The following RNF220 variants were observed in gnomAD, a reference collection of about 807,000 sequenced individuals.
RNF220 encodes the protein ring finger protein 220.
In RNF220, 7 loss-of-function variants were observed where a neutral mutation model predicts 67.1. The observed-to-expected ratio is 0.10, with a 90% confidence interval of 0.06 to 0.20. The LOEUF (loss-of-function observed/expected upper bound fraction) is 0.20. RNF220 is among the 10% of genes least tolerant of loss of function. RNF220 has a pLI of 1.00. For missense variants in RNF220, 565 were observed against 740.3 expected (o/e 0.76, Z 2.75); for synonymous variants, 270 against 283.2 (o/e 0.95, Z 0.47).
chr1:44,550,329 G>T (rs1158003306), intron 2 of RNF220, among the ~76,000 whole-genome samples: 1 of 152,168 alleles, frequency 6.6e-6, no homozygotes, highest in East Asian at 1.9e-4. Context: ...AGATGCTTGG[G>T]GTTATGGAGA....
intron 2 of RNF220, among the ~76,000 whole-genome samples, chr1:44,449,977 C>A (rs951741061): frequency 1.3e-5 from 2 of 152,102 alleles, no homozygotes; most frequent in Admixed American, 1.3e-4. Flanking sequence ...TTTGGGAGGC[C>A]GAGGCAGGCA....
intron 5 of RNF220, among the ~76,000 whole-genome samples, chr1:44,629,732 T>C (rs1038216029): frequency 6.6e-6 from 1 of 151,890 alleles, no homozygotes; most frequent in Non-Finnish European, 1.5e-5. Context: ...GATACTACAG[T>C]AGAAGGAGGA....
At chr1:44,446,634 A>G (rs1652124597) in intron 2 of RNF220, among the ~76,000 whole-genome samples, 1 of 146,164 alleles carries the variant, frequency 6.8e-6, no homozygotes, top group Non-Finnish European at 1.5e-5. Context: ...ATCTCGGCTC[A>G]CTGCAACCTC....
intron 2 of RNF220, chr1:44,423,710 C>T (rs893494481): frequency 1.3e-5 from 4 of 308,770 alleles, no homozygotes; most frequent in Admixed American, 6.5e-5. Context: ...TACCCGGAAA[C>T]GTGACAGGTC....
At chr1:44,508,732 A>G (rs549779521) in intron 2 of RNF220, among the ~76,000 whole-genome samples, 1 of 151,876 alleles carries the variant, frequency 6.6e-6, no homozygotes, top group South Asian at 2.1e-4. Flanking sequence ...TCTCTTTCTC[A>G]CTCCACATAG....
chr1:44,594,556 T>A (rs1666342731), intron 2 of RNF220, among the ~76,000 whole-genome samples: 1 of 152,186 alleles, frequency 6.6e-6, no homozygotes, highest in Non-Finnish European at 1.5e-5. Flanking sequence ...ATGCCTGAGC[T>A]CCCTTGCTGA....
intron 2 of RNF220, among the ~76,000 whole-genome samples, chr1:44,513,297 C>T (rs112897673): frequency 6.6e-6 from 1 of 152,176 alleles, no homozygotes; most frequent in Non-Finnish European, 1.5e-5. Context: ...CAGGGTGTGG[C>T]GTCCCTGGGG....
intron 2 of RNF220, among the ~76,000 whole-genome samples, chr1:44,494,096 C>A (rs560806631): frequency 2.0e-5 from 3 of 151,306 alleles, no homozygotes; most frequent in African/African-American, 7.3e-5. Context: ...ATCCCAGCTA[C>A]TTGGGAGGCT....
At chr1:44,500,552 A>G (rs1657745820) in intron 2 of RNF220, among the ~76,000 whole-genome samples, 1 of 152,166 alleles carries the variant, frequency 6.6e-6, no homozygotes, top group South Asian at 2.1e-4. Flanking sequence ...TGTTCTGTTC[A>G]CTGCTGTTTC....
Position 44,636,146 on chromosome 1 carries a change from G to A in RNF220, c.1110G>A (p.Leu370=), listed in dbSNP as rs755867469. 6.2e-7 allele frequency: 1 copy of A among 1,605,440 alleles called. No individual in the cohort carries two copies. The highest frequency in any genetic ancestry group is 8.5e-7 in the Non-Finnish European group (1 of 1,173,196). Residue 370 remains leucine (L), a synonymous_variant, in exon 8 of 15, where the codon CTG becomes CTA. Coordinates refer to ENST00000361799, the MANE Select transcript of RNF220 (RefSeq NM_018150.4). ...AGCGGATACGGGCCACCACTCTCCT[G>A]GAAGGTGGCTTCCGAGGTACAAGCA... The part of the protein sequence containing the change: ...GQKRIRATTL[L]EGGFRGSGFI...
intron 2 of RNF220, among the ~76,000 whole-genome samples, chr1:44,418,034 A>C (rs1174302121): frequency 6.6e-6 from 1 of 151,650 alleles, no homozygotes; most frequent in Non-Finnish European, 1.5e-5. Context: ...ACGTCCCTGC[A>C]CCCCCAAGTC....
intron 1 of RNF220, among the ~76,000 whole-genome samples, chr1:44,406,998 G>C (rs1390090077): frequency 6.6e-6 from 1 of 152,218 alleles, no homozygotes; most frequent in Non-Finnish European, 1.5e-5. Flanking sequence ...TTCCCGTTAA[G>C]CACACCCTGC....
At chr1:44,521,588 G>A (rs545360283) in intron 2 of RNF220, among the ~76,000 whole-genome samples, 1 of 152,238 alleles carries the variant, frequency 6.6e-6, no homozygotes, top group Admixed American at 6.5e-5. Flanking sequence ...GTGGGGGCAG[G>A]GGTGAGATAG....
chr1:44,409,983 T>TG (rs1647806153), intron 1 of RNF220, among the ~76,000 whole-genome samples: 1 of 152,188 alleles, frequency 6.6e-6, no homozygotes, highest in African/African-American at 2.4e-5. Context: ...AAAATATTGT[T>TG]GATTTATTTT....
intron 3 of RNF220, among the ~76,000 whole-genome samples, chr1:44,617,382 C>T (rs1332467896): frequency 6.6e-6 from 1 of 152,224 alleles, no homozygotes; most frequent in Non-Finnish European, 1.5e-5. Context: ...CTGCGCCCAC[C>T]GGACTGTGGG....
intron 2 of RNF220, among the ~76,000 whole-genome samples, chr1:44,555,457 G>A (rs1383752114): frequency 2.0e-5 from 3 of 151,816 alleles, no homozygotes; most frequent in East Asian, 1.9e-4. Flanking sequence ...TATACTGAAC[G>A]TACCAATTTA....
At position 44,635,445 on chromosome 1, in the gene RNF220, T is replaced by C. The variant is rs555120292; in HGVS notation, c.950-100T>C. 2.6e-6 allele frequency: 4 copies of C among 1,525,354 alleles called. No individual in the cohort carries two copies. The African/African-American group carries it at 4.1e-5, about 16-fold the overall frequency. The allele number at this position is 1,525,354 out of a possible 1,614,324, so 94.5% of individuals were successfully genotyped here. A position where few individuals can be genotyped will look rare whatever the true frequency, so the allele number is the denominator to read the frequency against. On this transcript the variant is annotated intron_variant, in intron 6 of 14. Transcript: ENST00000361799. ...ATCAGGCACTGAATAAAAAGGCCAA[T>C]GGCTGGCAAGAGGTCAGGATGTGTC...
At chr1:44,563,354 A>G (rs1016151353) in intron 2 of RNF220, among the ~76,000 whole-genome samples, 3 of 152,184 alleles carry the variant, frequency 2.0e-5, no homozygotes, top group Non-Finnish European at 2.9e-5. Context: ...GAAGTGGCAC[A>G]GTAACTCTGG....
chr1:44,570,528 T>C (rs1368878502), intron 2 of RNF220, among the ~76,000 whole-genome samples: 4 of 152,326 alleles, frequency 2.6e-5, no homozygotes, highest in African/African-American at 2.4e-5. Flanking sequence ...TCCCCGAGAC[T>C]ATGTGGTTAG....
Sources: allele counts gnomAD v4.1 joint callset (sites outside exome capture counted in the v4.1 genomes callset), GRCh38; gene constraint gnomAD v4.1.1; transcripts MANE v1.5; gene names NCBI Gene and HGNC (gene_info 2026-07-23, HGNC 2026-07-21).